The following PIGN variants were observed in gnomAD, a reference collection of about 807,000 sequenced individuals.
PIGN encodes phosphatidylinositol glycan anchor biosynthesis class N.
Under a neutral mutation model 125.4 loss-of-function variants are expected in PIGN, and 117 were observed. The ratio of observed to expected loss-of-function variants is 0.93; its 90% confidence interval spans 0.80 to 1.09. The LOEUF is 1.09. PIGN is among the 50% of genes least tolerant of loss of function. The pLI is 0.00. For synonymous variants in PIGN, 392 were observed against 377.8 expected, an observed-to-expected ratio of 1.04 and a Z score of -0.44; for missense variants, 1,075 against 1,094.9, an observed-to-expected ratio of 0.98 and a Z score of 0.26.
Position 62,161,359 on chromosome 18 carries a change from G to C in PIGN, c.-6C>G, listed in dbSNP as rs2036946878. 1 of 1,596,604 alleles carries C rather than the reference G, an allele frequency of 6.3e-7. No homozygotes were observed. The highest frequency in any genetic ancestry group is 1.3e-5 in the African/African-American group (1 of 74,626). ...AAAGTAAAGAACAGCAGCATATCCA[G>C]TGTAACTAATTAGTCTTCAAGAACA... On this transcript the variant is annotated 5_prime_UTR_variant, in exon 4 of 31. Transcript: ENST00000640252.
At position 62,064,903 on chromosome 18, in the gene PIGN, G is replaced by A. The variant is rs530264956; in HGVS notation, c.2672+7770C>T. ...TGGTTGTATTAAATTACTTAAAACA[G>A]CTGAACTTGACACTTCTAAAAAAAA... On this transcript the variant is annotated intron_variant, in intron 30 of 30. Coordinates refer to ENST00000640252, the MANE Select transcript of PIGN (RefSeq NM_176787.5). 2.8e-4 allele frequency among the ~76,000 whole-genome samples: 38 copies of A among 135,654 alleles called. No individual in the cohort carries two copies. In the Middle Eastern group the frequency reaches 0.033, roughly 116 times the overall value. The allele number at this position is 135,654 out of a possible 152,430, so 89.0% of individuals were successfully genotyped here. A position where few individuals can be genotyped will look rare whatever the true frequency, so the allele number is the denominator to read the frequency against.
intron 30 of PIGN, among the ~76,000 whole-genome samples, chr18:62,047,551 G>C (rs1036667524): frequency 1.3e-5 from 2 of 152,158 alleles, no homozygotes; most frequent in Non-Finnish European, 2.9e-5. Context: ...GGCAGTAGTG[G>C]AGGCCTTGCA....
intron 14 of PIGN, among the ~76,000 whole-genome samples, chr18:62,128,303 A>G (rs569846615): frequency 3.9e-5 from 6 of 152,212 alleles, no homozygotes; most frequent in Non-Finnish European, 8.8e-5. Context: ...ACTTTCAGAG[A>G]TATCATCTTT....
chr18:62,171,680 G>A (rs2037349477), intron 1 of PIGN, among the ~76,000 whole-genome samples: 1 of 152,066 alleles, frequency 6.6e-6, no homozygotes, highest in African/African-American at 2.4e-5. Context: ...AATACTTTTT[G>A]TTGTATCTAC....
chr18:62,112,987 G>C, intron 16 of PIGN, 147 bp downstream of exon 16: 1 of 584,422 alleles, frequency 1.7e-6, no homozygotes, highest in Non-Finnish European at 2.9e-6. Flanking sequence ...AGATAACTGA[G>C]GAAAAATCCA....
At chr18:62,083,209 T>A (rs550343498) in intron 27 of PIGN, among the ~76,000 whole-genome samples, 110 of 152,080 alleles carry the variant, frequency 7.2e-4, no homozygotes, top group African/African-American at 2.4e-3. Flanking sequence ...TTGCCTTTTT[T>A]AAAAAAATAC....
chr18:62,151,559 C>A (rs913627541), intron 7 of PIGN, among the ~76,000 whole-genome samples: 1 of 152,168 alleles, frequency 6.6e-6, no homozygotes, highest in African/African-American at 2.4e-5. Flanking sequence ...TGCATGCGGG[C>A]GCCCCACCCT....
At chr18:62,036,721 G>C (rs2030266219), downstream of PIGN, among the ~76,000 whole-genome samples, 1 of 152,144 alleles carries the variant, frequency 6.6e-6, no homozygotes, top group South Asian at 2.1e-4. Context: ...TTCAGGAGGA[G>C]CATATTACTG....
chr18:62,168,587 T>C (rs1402166340), intron 1 of PIGN, among the ~76,000 whole-genome samples: 6 of 152,200 alleles, frequency 3.9e-5, no homozygotes, highest in Admixed American at 3.9e-4. Flanking sequence ...GGAATAATGA[T>C]ACTCTCTTAT....
At chr18:62,063,863 G>A (rs965521807) in intron 30 of PIGN, among the ~76,000 whole-genome samples, 10 of 146,432 alleles carry the variant, frequency 6.8e-5, no homozygotes, top group African/African-American at 2.3e-4. Flanking sequence ...TCACTCATAG[G>A]TGGGAATTGA....
At chr18:62,071,571 T>C (rs1249014277) in intron 30 of PIGN, among the ~76,000 whole-genome samples, 1 of 152,102 alleles carries the variant, frequency 6.6e-6, no homozygotes, top group Non-Finnish European at 1.5e-5. Flanking sequence ...AGTGTAGTCA[T>C]GCACCACATA....
chr18:62,025,874 G>C lies in PIGN; in HGVS notation c.2143-8133C>G, dbSNP rs117670136. On this transcript the variant is annotated intron_variant, in intron 23 of 24. Transcript: ENST00000639600. ...ATATATGCCTCCTGCCACTGCCCCTGTCTTAATTCAAGTTCCATTCGTCTT... is the reference window on the plus strand; with the variant it reads ...ATATATGCCTCCTGCCACTGCCCCTCTCTTAATTCAAGTTCCATTCGTCTT... 5.9e-3 allele frequency among the ~76,000 whole-genome samples: 896 copies of C among 152,238 alleles called. 9 individuals are homozygous for C. Among genetic ancestry groups the C allele is most frequent in the African/African-American group, 0.02 (840 of 41,534 alleles).
At chr18:62,101,417 G>T (rs141229831) in intron 21 of PIGN, among the ~76,000 whole-genome samples, 1 of 152,166 alleles carries the variant, frequency 6.6e-6, no homozygotes, top group South Asian at 2.1e-4. Flanking sequence ...AACAAAGCAC[G>T]TAAGAATGTT....
At chr18:62,071,018 AG>A (rs1438340597) in intron 30 of PIGN, among the ~76,000 whole-genome samples, 2 of 152,024 alleles carry the variant, frequency 1.3e-5, no homozygotes, top group Non-Finnish European at 2.9e-5. Context: ...TATGTTTCCC[AG>A]GCTGGTCTCA....
rs1568185356 is a variant in PIGN at position 62,109,924 on chromosome 18, A to G, written c.1484T>C (p.Val495Ala). The change falls in exon 17 of 31, where the codon GTA (valine) becomes GCA (alanine). Residue 495 changes from valine (V) to alanine (A), a missense_variant. By Grantham distance (64) the Val-to-Ala change is moderately conservative (BLOSUM62 0). Coordinates refer to ENST00000640252, the MANE Select transcript of PIGN (RefSeq NM_176787.5). ...PCSFVAIGIL[V>A]AFFLLIQACP... is the part of the protein sequence containing the mutation. ...GGCTTGAATCAGCAGAAAAAATGCT[A>G]CTAAAATGCCAATAGCTACAAAACT... 1.9e-6 allele frequency: 3 copies of G among 1,613,266 alleles called. No individual in the cohort carries two copies. Among genetic ancestry groups the G allele is most frequent in the East Asian group, 4.5e-5 (2 of 44,810 alleles).
chr18:62,161,322 A>G lies in PIGN; in HGVS notation c.32T>C (p.Ile11Thr). The G allele has an allele frequency of 6.2e-7, 1 of 1,613,228 alleles. No individual in the cohort carries two copies. The highest frequency in any genetic ancestry group is 8.5e-7 in the Non-Finnish European group (1 of 1,179,462). The change falls in exon 4 of 31, where the codon ATA (isoleucine) becomes ACA (threonine). Residue 11 changes from isoleucine to threonine, a missense_variant. Ile to Thr is a moderately conservative substitution (Grantham distance 89, BLOSUM62 -1). Around this residue, in one of 3 missense-constraint regions of PIGN, gnomAD observed 152 missense variants for 162.9 expected, o/e 0.93. Coordinates refer to ENST00000640252, the MANE Select transcript of PIGN (RefSeq NM_176787.5). ...GATGGAGGCGAAGAACACAAAATGT[A>G]TAAGCAATCCCAAAGTAAAGAACAG... MLLFFTLGLL[I>T]HFVFFASIFD...
intron 30 of PIGN, among the ~76,000 whole-genome samples, chr18:62,061,954 G>T (rs1316667312): frequency 1.3e-5 from 2 of 151,984 alleles, no homozygotes; most frequent in African/African-American, 4.8e-5. Context: ...CCTTTTCCTC[G>T]CAATAAACTA....
Position 62,157,172 on chromosome 18 carries a change from T to C in PIGN, c.399A>G (p.Thr133=). 3 of 1,610,240 alleles carry C rather than the reference T, an allele frequency of 1.9e-6. No homozygotes were observed. The highest frequency in any genetic ancestry group is 2.2e-5 in the East Asian group (1 of 44,750). Residue 133 remains threonine, a synonymous_variant, in exon 6 of 31, where the codon ACA becomes ACG. Coordinates refer to ENST00000640252, the MANE Select transcript of PIGN (RefSeq NM_176787.5). ...FDSLFNESKY[T]WSWGSPDILP... ...GGATATCTGGGCTTCCCCAGCTCCA[T>C]GTGTATTTACTTTCATTAAAAAGAG... is the stretch of plus-strand genomic sequence containing the variant.
At chr18:62,114,171 G>A (rs982871966) in intron 15 of PIGN, among the ~76,000 whole-genome samples, 2 of 152,016 alleles carry the variant, frequency 1.3e-5, no homozygotes, top group Non-Finnish European at 2.9e-5. Flanking sequence ...AGACCAGCCT[G>A]GCCAACATGG....
Sources: gnomAD v4.1 joint callset for allele counts (sites outside exome capture counted in the v4.1 genomes callset) on GRCh38, gnomAD v4.1.1 for gene constraint, gnomAD v4.1.1 regional missense constraint, MANE v1.5 for transcripts, NCBI Gene and HGNC (gene_info 2026-07-23, HGNC 2026-07-21) for gene names.